The following IPPK variants were observed in gnomAD, a reference collection of about 807,000 sequenced individuals.
The protein encoded by IPPK is IPK1 homolog.
A neutral mutation model predicts 64.6 loss-of-function variants in IPPK; 22 were observed. The observed-to-expected ratio is 0.34, with a 90% CI of 0.24 to 0.49. The LOEUF is 0.49. Ranked by LOEUF, IPPK falls within the 20% of genes least tolerant of loss-of-function variation. IPPK has a pLI of 0.99. For synonymous variants in IPPK, 262 were observed against 247.2 expected, an observed-to-expected ratio of 1.06 and a Z score of -0.56; for missense variants, 532 against 630.7, an observed-to-expected ratio of 0.84 and a Z score of 1.68.
At chr9:92,618,037 A>C in intron 12 of IPPK, 1 of 350,604 alleles carries the variant, frequency 2.9e-6, no homozygotes. Context: ...CGCCAAGATG[A>C]CTCATGATAA....
At chr9:92,619,629 TC>T in intron 11 of IPPK, 64 bp from the exon 12 acceptor site, 2 of 1,390,132 alleles carry the variant, frequency 1.4e-6, no homozygotes. Flanking sequence ...CACACAACCT[TC>T]CTTCCCAGTA....
intron 11 of IPPK, 90 bp from the exon 12 acceptor site, chr9:92,619,655 C>T: frequency 8.7e-7 from 1 of 1,148,828 alleles, no homozygotes. Flanking sequence ...AGTGTGGGAA[C>T]TGCTTCCTGC....
intron 3 of IPPK, among the ~76,000 whole-genome samples, chr9:92,653,372 C>T: frequency 6.6e-6 from 1 of 152,118 alleles, no homozygotes; most frequent in East Asian, 1.9e-4. Context: ...CCACCCTGCG[C>T]CGTCACATCC....
intron 4 of IPPK, among the ~76,000 whole-genome samples, chr9:92,649,952 AGAGACGGAGGTTGTGGT>A (rs543228760): frequency 1.1e-3 from 169 of 150,462 alleles, no homozygotes; most frequent in Non-Finnish European, 2.3e-3. Context: ...CTTGAACCCT[AGAGACGGAGGTTGTGGT>A]GAGCCGAGAT....
intron 11 of IPPK, among the ~76,000 whole-genome samples, chr9:92,623,934 A>C (rs1851688822): frequency 6.6e-6 from 1 of 152,264 alleles, no homozygotes; most frequent in East Asian, 1.9e-4. Flanking sequence ...AACTAGGAAC[A>C]ACCCAAATGT....
chr9:92,633,964 C>T (rs1245460882), intron 11 of IPPK, among the ~76,000 whole-genome samples: 3 of 152,206 alleles, frequency 2.0e-5, no homozygotes, highest in Non-Finnish European at 4.4e-5. Context: ...GCAGGCTGTC[C>T]CTTGGCCTCG....
intron 9 of IPPK, among the ~76,000 whole-genome samples, chr9:92,636,194 A>C (rs771405108): frequency 6.6e-6 from 1 of 152,216 alleles, no homozygotes; most frequent in Non-Finnish European, 1.5e-5. Flanking sequence ...GTGTCCATGC[A>C]GGGGGAAAAC....
At chr9:92,620,233 T>G (rs1390205071) in intron 11 of IPPK, 1 of 155,830 alleles carries the variant, frequency 6.4e-6, no homozygotes, top group Admixed American at 6.1e-5. Flanking sequence ...CTCTGACATT[T>G]ACACTCTTCA....
chr9:92,647,956 T>C (rs377673510), intron 6 of IPPK, 103 bp downstream of exon 6: 7 of 684,644 alleles, frequency 1.0e-5, no homozygotes, highest in East Asian at 5.6e-5. Context: ...ACTAAAAATA[T>C]CCATATTTTC....
At chr9:92,616,657 T>C (rs1364143406) in intron 12 of IPPK, 1 of 152,596 alleles carries the variant, frequency 6.6e-6, no homozygotes, top group East Asian at 1.9e-4. Flanking sequence ...GTATTTTGCT[T>C]CTCAGGGCTT....
At chr9:92,655,325 G>A (rs1045857904) in intron 3 of IPPK, among the ~76,000 whole-genome samples, 1 of 152,190 alleles carries the variant, frequency 6.6e-6, no homozygotes, top group East Asian at 1.9e-4. Context: ...TTCCCACTGC[G>A]CCAGAGCCCA....
chr9:92,634,294 G>A (rs1255702748), intron 11 of IPPK, 92 bp downstream of exon 11: 1 of 832,956 alleles, frequency 1.2e-6, no homozygotes, highest in Admixed American at 2.3e-5. Flanking sequence ...CTCAGGGGTA[G>A]GTAATGGAAA....
In IPPK at chr9:92,665,252, T is replaced by G. The variant is rs144493525; in HGVS notation, c.81+4656A>C. Among the ~76,000 whole-genome samples, 165 of 152,318 alleles carry G rather than the reference T, an allele frequency of 1.1e-3. 2 individuals are homozygous for G. Among genetic ancestry groups the G allele is most frequent in the African/African-American group, 3.7e-3 (152 of 41,578 alleles). On this transcript the variant is annotated intron_variant, in intron 1 of 12. Coordinates refer to ENST00000287996, the MANE Select transcript of IPPK (RefSeq NM_022755.6). ...ATTTCAACTAGGTCCAGCTAAAAAT[T>G]GTAAAAGGGAGCGACCAAGGGCTTG...
intron 11 of IPPK, among the ~76,000 whole-genome samples, chr9:92,630,839 G>A (rs186345939): frequency 3.3e-5 from 5 of 152,252 alleles, no homozygotes; most frequent in Admixed American, 1.3e-4. Flanking sequence ...CCACAAAAGG[G>A]AGAGAAACAG....
chr9:92,654,883 A>G (rs534901793), intron 3 of IPPK, among the ~76,000 whole-genome samples: 1 of 152,370 alleles, frequency 6.6e-6, no homozygotes, highest in East Asian at 1.9e-4. Context: ...CGAGGTTCCA[A>G]CGGAGCTGAG....
intron 6 of IPPK, 83 bp from the exon 7 acceptor site, chr9:92,642,893 G>T: frequency 9.1e-7 from 1 of 1,100,234 alleles, no homozygotes; most frequent in Non-Finnish European, 1.4e-6. Flanking sequence ...AACAGCATCA[G>T]TGATGAAGAC....
intron 11 of IPPK, among the ~76,000 whole-genome samples, chr9:92,627,499 C>T (rs547518165): frequency 6.6e-6 from 1 of 152,264 alleles, no homozygotes; most frequent in South Asian, 2.1e-4. Context: ...AAGGACAAGA[C>T]GCCATGACCA....
At chr9:92,655,468 C>G (rs764390553) in intron 3 of IPPK, among the ~76,000 whole-genome samples, 7 of 152,190 alleles carry the variant, frequency 4.6e-5, no homozygotes, top group Admixed American at 6.5e-5. Context: ...GGGTTCATTA[C>G]TGTGACCCTT....
At chr9:92,621,543 T>A (rs1263570069) in intron 11 of IPPK, among the ~76,000 whole-genome samples, 2 of 136,630 alleles carry the variant, frequency 1.5e-5, no homozygotes. Context: ...AGACAGGGTC[T>A]CGTTCTGTTG....
Sources: gnomAD v4.1 joint callset for allele counts (sites outside exome capture counted in the v4.1 genomes callset) on GRCh38, gnomAD v4.1.1 for gene constraint, MANE v1.5 for transcripts, NCBI Gene and HGNC (gene_info 2026-07-23, HGNC 2026-07-21) for gene names.